Variants in ALCAM observed in about 807,000 individuals in gnomAD.
The protein encoded by ALCAM is CD166 antigen.
A neutral mutation model predicts 70.9 loss-of-function variants in ALCAM; 30 were observed. The observed-to-expected ratio is 0.42, with a 90% CI of 0.32 to 0.57. The LOEUF is 0.57. ALCAM is among the 20% of genes least tolerant of loss of function. ALCAM has a pLI of 0.11. For synonymous variants in ALCAM, 249 were observed against 242.5 expected, an observed-to-expected ratio of 1.03 and a Z score of -0.25; for missense variants, 591 against 695.1, an observed-to-expected ratio of 0.85 and a Z score of 1.68.
At chr3:105,499,990 T>G (rs937358082) in intron 1 of ALCAM, among the ~76,000 whole-genome samples, 1 of 152,218 alleles carries the variant, frequency 6.6e-6, no homozygotes, top group Admixed American at 6.5e-5. Context: ...TATTTCAATT[T>G]ACCTCACCTA....
intron 6 of ALCAM, among the ~76,000 whole-genome samples, chr3:105,537,652 T>C (rs185882949): frequency 6.6e-6 from 1 of 152,164 alleles, no homozygotes; most frequent in Non-Finnish European, 1.5e-5. Context: ...TACCCATTTA[T>C]GTGTCAAAAC....
At chr3:105,407,486 T>C (rs1007246899) in intron 1 of ALCAM, among the ~76,000 whole-genome samples, 6 of 152,084 alleles carry the variant, frequency 3.9e-5, no homozygotes, top group Non-Finnish European at 7.4e-5. Flanking sequence ...ATCATCTCAA[T>C]AGATGCAGAA....
At chr3:105,461,218 G>A (rs1379321679) in intron 1 of ALCAM, among the ~76,000 whole-genome samples, 1 of 151,864 alleles carries the variant, frequency 6.6e-6, no homozygotes, top group Non-Finnish European at 1.5e-5. Flanking sequence ...TACTGCCAAA[G>A]AAGAATGCAG....
Position 105,506,893 on chromosome 3 carries a change from G to T in ALCAM, c.74-13174G>T, listed in dbSNP as rs1223709734. ...TTCATCAGAGGTTTTGGTGCTGTTG[G>T]AAAGTCAGCACCTGCTGAAATCTGC... On this transcript the variant is annotated intron_variant, in intron 1 of 15. Transcript: ENST00000306107. 2.0e-5 allele frequency among the ~76,000 whole-genome samples: 3 copies of T among 152,184 alleles called. No homozygotes were observed. The South Asian group carries it at 6.2e-4, about 32-fold the overall frequency.
At chr3:105,473,226 C>A (rs1457045486) in intron 1 of ALCAM, among the ~76,000 whole-genome samples, 1 of 151,452 alleles carries the variant, frequency 6.6e-6, no homozygotes, top group East Asian at 1.9e-4. Context: ...GCATGTTTAA[C>A]CAAATAAGAG....
At chr3:105,515,564 A>G (rs532304825) in intron 1 of ALCAM, among the ~76,000 whole-genome samples, 45 of 152,138 alleles carry the variant, frequency 3.0e-4, no homozygotes, top group Admixed American at 1.2e-3. Context: ...TTGCCTCCCA[A>G]TGGGTATTTG....
chr3:105,546,854 A>G (rs1940261147), intron 9 of ALCAM, among the ~76,000 whole-genome samples: 1 of 151,358 alleles, frequency 6.6e-6, no homozygotes, highest in Non-Finnish European at 1.5e-5. Flanking sequence ...TCTGTATATC[A>G]GGCTATTTTT....
At chr3:105,401,515 A>G (rs1464887800) in intron 1 of ALCAM, among the ~76,000 whole-genome samples, 1 of 152,234 alleles carries the variant, frequency 6.6e-6, no homozygotes, top group African/African-American at 2.4e-5. Flanking sequence ...TCATTCATCC[A>G]GTAAATTTTT....
intron 1 of ALCAM, among the ~76,000 whole-genome samples, chr3:105,413,103 ATAGTGAC>A (rs1193674369): frequency 6.6e-6 from 1 of 152,094 alleles, no homozygotes; most frequent in Non-Finnish European, 1.5e-5. Flanking sequence ...ACCAACTAGC[ATAGTGAC>A]ACGTGACCTT....
chr3:105,556,607 A>C (rs1576240303), intron 14 of ALCAM, among the ~76,000 whole-genome samples: 1 of 152,040 alleles, frequency 6.6e-6, no homozygotes, highest in East Asian at 1.9e-4. Context: ...CTTGCCTACA[A>C]CACTGAAACC....
chr3:105,567,642 A>AT (rs1940771992), intron 14 of ALCAM, among the ~76,000 whole-genome samples: 1 of 152,102 alleles, frequency 6.6e-6, no homozygotes, highest in African/African-American at 2.4e-5. Context: ...TTTTGTTCAC[A>AT]TTTTTTGCTG....
At chr3:105,372,095 GA>G (rs571899264) in intron 1 of ALCAM, among the ~76,000 whole-genome samples, 2 of 151,974 alleles carry the variant, frequency 1.3e-5, no homozygotes, top group Admixed American at 6.6e-5. Flanking sequence ...ATAAGAAATG[GA>G]AAAAAATCCA....
intron 1 of ALCAM, among the ~76,000 whole-genome samples, chr3:105,394,560 T>C (rs1431593168): frequency 1.3e-5 from 2 of 152,006 alleles, no homozygotes; most frequent in Admixed American, 1.3e-4. Flanking sequence ...GCTTTATAAA[T>C]CAGACCTATG....
At chr3:105,431,293 T>G (rs529746642) in intron 1 of ALCAM, among the ~76,000 whole-genome samples, 74 of 152,232 alleles carry the variant, frequency 4.9e-4, no homozygotes, top group African/African-American at 1.7e-3. Flanking sequence ...GGGTTAAGTT[T>G]GGCTGACTTG....
intron 1 of ALCAM, among the ~76,000 whole-genome samples, chr3:105,498,997 C>CA: frequency 2.0e-5 from 3 of 152,008 alleles, no homozygotes; most frequent in Middle Eastern, 6.8e-3. Flanking sequence ...GATATATGTT[C>CA]AAAATGATGT....
intron 14 of ALCAM, among the ~76,000 whole-genome samples, chr3:105,562,226 TTGCC>T (rs1378553458): frequency 6.6e-6 from 1 of 152,240 alleles, no homozygotes; most frequent in Non-Finnish European, 1.5e-5. Context: ...TGTTTAGATG[TTGCC>T]TCCCAGAAAC....
At chr3:105,469,166 GC>G (rs1409996201) in intron 1 of ALCAM, among the ~76,000 whole-genome samples, 3 of 95,984 alleles carry the variant, frequency 3.1e-5, no homozygotes, top group East Asian at 9.6e-4. Context: ...AACAAGTATT[GC>G]GGGGTTTTTT....
chr3:105,367,543 C>G (rs756902310), intron 1 of ALCAM, 62 bp downstream of exon 1: 93 of 1,587,626 alleles, frequency 5.9e-5, no homozygotes, highest in Non-Finnish European at 7.1e-5. Context: ...TCCTAGGTCC[C>G]CGTCCCAGCC....
At chr3:105,545,425 T>G in intron 9 of ALCAM, 90 bp downstream of exon 9, 2 of 828,984 alleles carry the variant, frequency 2.4e-6, no homozygotes, top group East Asian at 5.1e-5. Flanking sequence ...AGTAGGTATA[T>G]TCATGGATGT....
Sources: allele counts gnomAD v4.1 joint callset (sites outside exome capture counted in the v4.1 genomes callset), GRCh38; gene constraint gnomAD v4.1.1; transcripts MANE v1.5; gene names NCBI Gene and HGNC (gene_info 2026-07-23, HGNC 2026-07-21).